Variants in NEBL observed in about 807,000 individuals in gnomAD.
The protein encoded by NEBL is nebulette, also known as LIM and SH3 protein 2.
In NEBL, 122 loss-of-function variants were observed where a neutral mutation model predicts 140.2. The ratio of observed to expected loss-of-function variants is 0.87; its 90% CI spans 0.75 to 1.01. NEBL has a LOEUF of 1.01. NEBL is among the 50% of genes least tolerant of loss of function. The pLI is 0.00. For missense variants in NEBL, 1,365 were observed against 1,231.3 expected (o/e 1.11, Z -1.62); for synonymous variants, 436 against 398.9 (o/e 1.09, Z -1.11).
chr10:20,837,349 C>T (rs1358694438), intron 13 of NEBL, among the ~76,000 whole-genome samples: 2 of 152,142 alleles, frequency 1.3e-5, no homozygotes, highest in Non-Finnish European at 2.9e-5. Flanking sequence ...TCAAACCAGA[C>T]AAAACATTCC....
intron 23 of NEBL, among the ~76,000 whole-genome samples, chr10:20,813,185 C>T (rs1838348344): frequency 3.3e-5 from 5 of 150,370 alleles, no homozygotes; most frequent in Admixed American, 2.0e-4. Context: ...ATATATAAAA[C>T]TATATATATA....
intron 3 of NEBL, among the ~76,000 whole-genome samples, chr10:21,206,482 G>T (rs1329205075): frequency 6.6e-6 from 1 of 152,144 alleles, no homozygotes; most frequent in Admixed American, 6.5e-5. Flanking sequence ...GCCCCCAGGG[G>T]CTGAGATCTA....
rs188720432 is a variant in NEBL at position 20,784,212 on chromosome 10, C to G, written c.*1535G>C. 7 of 152,240 alleles carry G rather than the reference C, an allele frequency of 4.6e-5. No homozygotes were observed. The highest frequency in any genetic ancestry group is 2.0e-4 in the Admixed American group (3 of 15,288). The allele number at this position is 152,240 out of a possible 1,614,324, so 9.4% of individuals were successfully genotyped here. On this transcript the variant is annotated 3_prime_UTR_variant, in exon 28 of 28. Coordinates refer to ENST00000377122, the MANE Select transcript of NEBL (RefSeq NM_006393.3). ...TTCGGTTTTGTCATAGCTGTGAAGT[C>G]AGACCCTAAGTGAATGCCACCCCGT...
At chr10:21,278,464 G>T (rs376340989) in intron 1 of NEBL, among the ~76,000 whole-genome samples, 15 of 152,258 alleles carry the variant, frequency 9.9e-5, no homozygotes, top group African/African-American at 3.6e-4. Context: ...AAAGTAAACT[G>T]GTGTGGGGCT....
intron 2 of NEBL, among the ~76,000 whole-genome samples, chr10:21,082,952 G>A (rs574068618): frequency 2.6e-5 from 4 of 152,018 alleles, no homozygotes; most frequent in African/African-American, 9.6e-5. Flanking sequence ...TTTAGAGACG[G>A]GGTTTCACCC....
At chr10:21,065,222 T>C (rs1214026571) in intron 2 of NEBL, among the ~76,000 whole-genome samples, 2 of 152,334 alleles carry the variant, frequency 1.3e-5, no homozygotes, top group East Asian at 1.9e-4. Flanking sequence ...TTACAAGGAA[T>C]ACAGCAGTCT....
chr10:21,215,535 A>G (rs993836879), intron 3 of NEBL, among the ~76,000 whole-genome samples: 1 of 152,244 alleles, frequency 6.6e-6, no homozygotes, highest in Non-Finnish European at 1.5e-5. Flanking sequence ...AACAAATAAC[A>G]TATCTTTTAA....
intron 1 of NEBL, among the ~76,000 whole-genome samples, chr10:21,288,818 GTGTATATATATATATATATATA>G (rs1346083371): frequency 6.1e-5 from 2 of 32,668 alleles, no homozygotes; most frequent in Non-Finnish European, 1.1e-4. Flanking sequence ...ACGTGTGTGT[GTGTATATATATATATATATATA>G]TATATATATA....
intron 26 of NEBL, among the ~76,000 whole-genome samples, chr10:20,795,265 T>C (rs1836397333): frequency 6.6e-6 from 1 of 152,108 alleles, no homozygotes; most frequent in South Asian, 2.1e-4. Context: ...AAAATGAGTT[T>C]AAATGCACAG....
intron 20 of NEBL, chr10:20,818,767 T>C (rs1838983740): frequency 8.1e-6 from 8 of 983,388 alleles, no homozygotes; most frequent in Non-Finnish European, 9.7e-6. Flanking sequence ...TGAAGATCTC[T>C]TGAATAAGCA....
intron 1 of NEBL, among the ~76,000 whole-genome samples, chr10:21,279,726 C>T (rs905294766): frequency 6.6e-6 from 1 of 150,484 alleles, no homozygotes; most frequent in Non-Finnish European, 1.5e-5. Context: ...TCATTGCACT[C>T]CAGTCTGGGT....
rs1835242644 is a variant in NEBL at position 20,784,452 on chromosome 10, G to A, written c.*1295C>T. 1 of 151,966 alleles carries A rather than the reference G, an allele frequency of 6.6e-6. No individual in the cohort carries two copies. Among genetic ancestry groups the A allele is most frequent in the African/African-American group, 2.4e-5 (1 of 41,360 alleles). 9.4% of individuals were successfully genotyped at this position (151,966 alleles called of 1,614,324 possible). A position where few individuals can be genotyped will look rare whatever the true frequency, so the allele number is the denominator to read the frequency against. On this transcript the variant is annotated 3_prime_UTR_variant, in exon 28 of 28. Transcript: ENST00000377122. ...CTTGGGCCTGTACTAAAAAATCTCT[G>A]ATGACATTCCTGTTTCATTCCCTTA...
intron 3 of NEBL, among the ~76,000 whole-genome samples, chr10:21,243,993 G>A (rs1401717815): frequency 6.6e-6 from 1 of 151,632 alleles, no homozygotes; most frequent in African/African-American, 2.4e-5. Context: ...AGGAAGGAAA[G>A]GGAAGAAAGG....
intron 4 of NEBL, among the ~76,000 whole-genome samples, chr10:20,937,552 G>A (rs1384156475): frequency 6.6e-6 from 1 of 152,146 alleles, no homozygotes. Context: ...TCCAACTGGG[G>A]GACTGGGTTC....
chr10:20,856,949 C>G (rs534002666), intron 9 of NEBL, among the ~76,000 whole-genome samples: 1 of 152,132 alleles, frequency 6.6e-6, no homozygotes, highest in Non-Finnish European at 1.5e-5. Flanking sequence ...CTGCCTCAGT[C>G]TCCTGAGTAG....
intron 2 of NEBL, among the ~76,000 whole-genome samples, chr10:21,170,094 C>A (rs139914727): frequency 1.2e-4 from 18 of 152,276 alleles, no homozygotes; most frequent in African/African-American, 4.1e-4. Context: ...AAGCAATAAG[C>A]ACTAAATAAT....
chr10:21,117,512 G>T (rs1450534494), intron 2 of NEBL, among the ~76,000 whole-genome samples: 2 of 152,084 alleles, frequency 1.3e-5, no homozygotes, highest in African/African-American at 4.8e-5. Flanking sequence ...AATATAATAC[G>T]TTATTCCTGT....
chr10:21,247,143 C>T (rs942126622), intron 3 of NEBL, among the ~76,000 whole-genome samples: 2 of 152,102 alleles, frequency 1.3e-5, no homozygotes, highest in African/African-American at 2.4e-5. Context: ...AGGACTCCCC[C>T]GCTATGCTTC....
At chr10:21,181,003 T>C (rs577220831) in intron 3 of NEBL, among the ~76,000 whole-genome samples, 27 of 152,248 alleles carry the variant, frequency 1.8e-4, no homozygotes, top group Middle Eastern at 3.4e-3. Flanking sequence ...GGCTCATATC[T>C]GTAATCCCAG....
Sources: gnomAD v4.1 joint callset for allele counts (sites outside exome capture counted in the v4.1 genomes callset) on GRCh38, gnomAD v4.1.1 for gene constraint, MANE v1.5 for transcripts, NCBI Gene and HGNC (gene_info 2026-07-23, HGNC 2026-07-21) for gene names.